INTS3: variants seen among roughly 807,000 people sequenced by gnomAD.
The protein encoded by INTS3 is SOSS complex subunit A.
In INTS3, 34 loss-of-function variants were observed where a neutral mutation model predicts 146.3. That is an observed-to-expected ratio of 0.23 (90% CI 0.18 to 0.31). INTS3 has a LOEUF of 0.31. INTS3 is among the 10% of genes least tolerant of loss of function. INTS3 has a pLI of 1.00. For synonymous variants in INTS3, 475 were observed against 494.9 expected, an observed-to-expected ratio of 0.96 and a Z score of 0.53; for missense variants, 757 against 1,304.2, an observed-to-expected ratio of 0.58 and a Z score of 6.46.
intron 6 of INTS3, among the ~76,000 whole-genome samples, chr1:153,750,520 G>C (rs1156812234): frequency 6.6e-6 from 1 of 152,150 alleles, no homozygotes; most frequent in Non-Finnish European, 1.5e-5. Context: ...TCAGTGACTA[G>C]ATAGAGCCAG....
chr1:153,739,356 C>T (rs544729507), intron 1 of INTS3, among the ~76,000 whole-genome samples: 8 of 150,880 alleles, frequency 5.3e-5, no homozygotes, highest in South Asian at 2.1e-4. Flanking sequence ...TGAGCCACCG[C>T]GCCCGGCCGG....
At chr1:153,751,955 C>T in intron 7 of INTS3, 1 of 315,982 alleles carries the variant, frequency 3.2e-6, no homozygotes, top group Non-Finnish European at 5.9e-6. Flanking sequence ...GCTCAACTTG[C>T]CAGTCCCATC....
intron 24 of INTS3, 31 bp downstream of exon 24, chr1:153,770,342 A>T (rs1370161530): frequency 7.7e-7 from 1 of 1,300,380 alleles, no homozygotes; most frequent in Non-Finnish European, 1.1e-6. Context: ...GGAGCACATC[A>T]GATATGACAC....
intron 20 of INTS3, among the ~76,000 whole-genome samples, chr1:153,765,663 G>A (rs1250814202): frequency 2.0e-5 from 3 of 151,838 alleles, no homozygotes; most frequent in South Asian, 4.2e-4. Context: ...TCCACCTCCC[G>A]GGTTCAAGCA....
At chr1:153,762,612 T>A in intron 14 of INTS3, 116 bp from the exon 15 acceptor site, 1 of 1,275,792 alleles carries the variant, frequency 7.8e-7, no homozygotes, top group Non-Finnish European at 1.1e-6. Flanking sequence ...AGTATTCCAT[T>A]TAGATGATAA....
At chr1:153,770,058 G>GGTGTGTGTGTGT (rs55766761) in intron 23 of INTS3, 140 bp from the exon 24 acceptor site, 4 of 444,148 alleles carry the variant, frequency 9.0e-6, no homozygotes, top group Non-Finnish European at 1.6e-5. Flanking sequence ...AGTGGATTGG[G>GGTGTGTGTGTGT]GTGTGTGTGT....
intron 5 of INTS3, chr1:153,748,469 C>G (rs1671835521): frequency 1.6e-6 from 1 of 607,546 alleles, no homozygotes; most frequent in African/African-American, 1.8e-5. Context: ...AGTAGCAGCT[C>G]TGGTTTCTAG....
At chr1:153,764,408 G>A (rs945582867) in intron 18 of INTS3, among the ~76,000 whole-genome samples, 187 bp downstream of exon 18, 2 of 152,220 alleles carry the variant, frequency 1.3e-5, no homozygotes, top group Non-Finnish European at 2.9e-5. Context: ...GTACTGGGGA[G>A]GTTGACACCT....
intron 8 of INTS3, 109 bp downstream of exon 8, chr1:153,752,517 A>C: frequency 8.8e-7 from 1 of 1,142,136 alleles, no homozygotes; most frequent in East Asian, 2.5e-5. Context: ...TTTGGTGGTC[A>C]GATTTAGGAA....
chr1:153,769,700 C>A, intron 22 of INTS3, 69 bp from the exon 23 acceptor site: 1 of 1,017,792 alleles, frequency 9.8e-7, no homozygotes, highest in East Asian at 2.4e-5. Context: ...CTCCTGCGTC[C>A]CCCTCCATAC....
At chr1:153,742,482 G>C (rs1056089042) in intron 3 of INTS3, among the ~76,000 whole-genome samples, 52 of 145,910 alleles carry the variant, frequency 3.6e-4, no homozygotes, top group South Asian at 6.5e-4. Context: ...TAATCTCTGT[G>C]TGTGTGTGTG....
At chr1:153,753,975 T>C (rs1195738288) in intron 8 of INTS3, among the ~76,000 whole-genome samples, 1 of 112,900 alleles carries the variant, frequency 8.9e-6, no homozygotes, top group Non-Finnish European at 1.9e-5. Flanking sequence ...TTTTTTTTTT[T>C]CTGTTTTTTA....
intron 1 of INTS3, among the ~76,000 whole-genome samples, chr1:153,733,706 G>C (rs532363643): frequency 6.6e-6 from 1 of 151,826 alleles, no homozygotes; most frequent in East Asian, 1.9e-4. Flanking sequence ...CCGGGTTCAA[G>C]CGATTCTCCT....
chr1:153,758,976 C>T (rs1323146914), intron 10 of INTS3, among the ~76,000 whole-genome samples: 1 of 152,034 alleles, frequency 6.6e-6, no homozygotes, highest in Non-Finnish European at 1.5e-5. Context: ...TAAAGCCACG[C>T]ATGGTGGTGT....
intron 13 of INTS3, 126 bp downstream of exon 13, chr1:153,761,044 C>T: frequency 6.7e-7 from 1 of 1,494,648 alleles, no homozygotes; most frequent in Non-Finnish European, 8.9e-7. Flanking sequence ...GGCTCTACCT[C>T]AGACTGCTGG....
At chr1:153,748,459 A>G in intron 5 of INTS3, 1 of 578,116 alleles carries the variant, frequency 1.7e-6, no homozygotes, top group South Asian at 2.0e-5. Context: ...TCTGTGGGAA[A>G]GTAGCAGCTC....
chr1:153,763,484 A>G, intron 16 of INTS3, 122 bp downstream of exon 16: 1 of 1,075,480 alleles, frequency 9.3e-7, no homozygotes, highest in East Asian at 2.4e-5. Context: ...GTGGAGAGGT[A>G]GCTGAAGCTT....
intron 1 of INTS3, among the ~76,000 whole-genome samples, chr1:153,739,876 C>A (rs1353979191): frequency 6.6e-6 from 1 of 151,380 alleles, no homozygotes; most frequent in Admixed American, 6.6e-5. Flanking sequence ...CTCACTGCAA[C>A]CTCTGCCTCC....
In INTS3 at chr1:153,754,651, A is replaced by C; in HGVS notation, c.869A>C (p.Gln290Pro). The change falls in exon 9 of 30, where the codon CAG (glutamine) becomes CCG (proline). Residue 290 changes from glutamine (Q) to proline (P), a missense_variant. Gln to Pro is a moderately conservative substitution (Grantham distance 76). Around this residue, in one of 8 missense-constraint regions of INTS3, gnomAD observed 134 missense variants for 243.1 expected, o/e 0.55. Coordinates refer to ENST00000318967, the MANE Select transcript of INTS3 (RefSeq NM_023015.5). ...TCCACATTTGATTCAGGTATCCTAC[A>C]GCTTCTTCAGTCAAGAACATCCCGA... ...ALSPQFTGIL[Q>P]LLQSRTSRKF... 2 of 1,608,664 alleles carry C rather than the reference A, an allele frequency of 1.2e-6. No homozygotes were observed. The highest frequency in any genetic ancestry group is 8.5e-7 in the Non-Finnish European group (1 of 1,174,996).
Sources: gnomAD v4.1 joint callset for allele counts (sites outside exome capture counted in the v4.1 genomes callset) on GRCh38, gnomAD v4.1.1 for gene constraint, gnomAD v4.1.1 regional missense constraint, MANE v1.5 for transcripts, NCBI Gene and HGNC (gene_info 2026-07-23, HGNC 2026-07-21) for gene names.